PPARA: variants seen among roughly 807,000 people sequenced by gnomAD.
PPARA encodes peroxisome proliferator activated receptor alpha, also known as peroxisome proliferator-activated receptor alpha.
Under a neutral mutation model 42.2 loss-of-function variants are expected in PPARA, and 22 were observed. The observed-to-expected ratio is 0.52, with a 90% CI of 0.37 to 0.74. The LOEUF (loss-of-function observed/expected upper bound fraction) is 0.74, where lower values mean the gene tolerates loss of function less well. Ranked by LOEUF, PPARA falls within the 30% of genes least tolerant of loss-of-function variation. PPARA has a pLI of 0.00. For synonymous variants in PPARA, 242 were observed against 239.3 expected, an observed-to-expected ratio of 1.01 and a Z score of -0.10; for missense variants, 465 against 608.2, an observed-to-expected ratio of 0.76 and a Z score of 2.48.
At chr22:46,166,186 A>T (rs1026186274) in intron 2 of PPARA, among the ~76,000 whole-genome samples, 8 of 152,172 alleles carry the variant, frequency 5.3e-5, no homozygotes, top group African/African-American at 1.9e-4. Context: ...TCACTGGCCA[A>T]TTGCGTCACT....
At chr22:46,158,430 A>G (rs2147113825) in intron 2 of PPARA, among the ~76,000 whole-genome samples, 1 of 152,326 alleles carries the variant, frequency 6.6e-6, no homozygotes, top group Middle Eastern at 3.4e-3. Context: ...TTGTAACTGA[A>G]TACGTCTGAA....
intron 4 of PPARA, among the ~76,000 whole-genome samples, chr22:46,208,413 T>G (rs762867214): frequency 1.3e-5 from 2 of 151,916 alleles, no homozygotes; most frequent in Non-Finnish European, 2.9e-5. Context: ...CCAGGCGCGG[T>G]GGTACACGCC....
intron 5 of PPARA, 41 bp from the exon 6 acceptor site, chr22:46,218,222 G>T (rs1335378630): frequency 6.2e-7 from 1 of 1,613,130 alleles, no homozygotes; most frequent in South Asian, 1.1e-5. Flanking sequence ...TGGTTTCTCA[G>T]TGGCCCAGGT....
At chr22:46,158,543 C>T (rs1041361032) in intron 2 of PPARA, among the ~76,000 whole-genome samples, 2 of 152,208 alleles carry the variant, frequency 1.3e-5, no homozygotes, top group East Asian at 1.9e-4. Flanking sequence ...CTAAGAAGTT[C>T]GTGGTCAGCT....
At chr22:46,185,950 TATATATATATATATAC>T (rs1207335315) in intron 3 of PPARA, among the ~76,000 whole-genome samples, 2,889 of 57,304 alleles carry the variant, frequency 0.05, 452 homozygotes, top group Non-Finnish European at 0.074. Context: ...TATATATATA[TATATATATATATATAC>T]ACACACACTA....
At position 46,184,390 on chromosome 22, in the gene PPARA, A is replaced by G. The variant is rs982091034; in HGVS notation, c.-43+7554A>G. 2.0e-5 allele frequency among the ~76,000 whole-genome samples: 3 copies of G among 152,188 alleles called. No individual in the cohort carries two copies. Among genetic ancestry groups the G allele is most frequent in the African/African-American group, 7.2e-5 (3 of 41,440 alleles). ...GGAGACAGAGTCCAGAATCTCAGAG[A>G]GAGACACAGTTACCTTTTAGTTACA... On this transcript the variant is annotated intron_variant, in intron 3 of 8. Coordinates refer to ENST00000407236, the MANE Select transcript of PPARA (RefSeq NM_005036.6). This position sits in a 1 kb window ranked among gnomAD's most constrained non-coding sequence, Gnocchi z 4.4.
chr22:46,223,056 A>C (rs1935122924), intron 7 of PPARA, among the ~76,000 whole-genome samples: 1 of 152,124 alleles, frequency 6.6e-6, no homozygotes, highest in South Asian at 2.1e-4. Flanking sequence ...GCGACTTGGG[A>C]GGTTGAGGAG....
intron 7 of PPARA, among the ~76,000 whole-genome samples, chr22:46,228,318 T>A (rs1241750463): frequency 6.6e-6 from 1 of 152,136 alleles, no homozygotes; most frequent in Non-Finnish European, 1.5e-5. Context: ...GTGGATCACC[T>A]GAGGTCGGGA....
rs552533545 is a variant in PPARA, at chr22:46,205,519, CATATATATAT to C, written c.208+6955_208+6964del. 5.0e-3 allele frequency among the ~76,000 whole-genome samples: 171 copies of C among 34,424 alleles called. 2 individuals are homozygous for C. Among genetic ancestry groups the C allele is most frequent in the African/African-American group, 0.012 (99 of 8,390 alleles). 22.6% of individuals were successfully genotyped at this position (34,424 alleles called of 152,430 possible). ...ACAGGCGTGAGCCACCATGCCCAGCCATATATATATATATATATATATATATATATATATA... is the reference window on the plus strand; with the variant it reads ...ACAGGCGTGAGCCACCATGCCCAGCCATATATATATATATATATATATATA... On this transcript the variant is annotated intron_variant, in intron 4 of 8. Coordinates refer to ENST00000407236, the MANE Select transcript of PPARA (RefSeq NM_005036.6).
At position 46,174,190 on chromosome 22, in the gene PPARA, A is replaced by AGAGAG. The variant is rs1569196606; in HGVS notation, c.-126-2563_-126-2562insGAGAG. Among the ~76,000 whole-genome samples, 209 of 126,892 alleles carry AGAGAG rather than the reference A, an allele frequency of 1.6e-3. 1 individual carries two copies. In the Middle Eastern group the frequency reaches 0.026, roughly 16 times the overall value. 83.2% of individuals were successfully genotyped at this position (126,892 alleles called of 152,430 possible). On this transcript the variant is annotated intron_variant, in intron 2 of 8. Coordinates refer to ENST00000407236, the MANE Select transcript of PPARA (RefSeq NM_005036.6). ...AGACTCTGTCTTGAAAGAAGGAAGAAAGAGAGAGAGAGAGAGAGAGAGAGA... is the reference window on the plus strand; with the variant it reads ...AGACTCTGTCTTGAAAGAAGGAAGAAGAGAGAGAGAGAGAGAGAGAGAGAGAGAGA...
In PPARA at chr22:46,235,457, G is replaced by A; in HGVS notation, c.*77G>A. On this transcript the variant is annotated 3_prime_UTR_variant, in exon 9 of 9. Coordinates refer to ENST00000407236, the MANE Select transcript of PPARA (RefSeq NM_005036.6). The surrounding 1 kb of genome is among the most constrained non-coding windows in gnomAD (Gnocchi z 7.0). ...TACAAAGGAGACGGGGGAGCAGCAC[G>A]ATTTTGCACAAATATCCACCACTTT... 2 of 1,563,302 alleles carry A rather than the reference G, an allele frequency of 1.3e-6. No homozygotes were observed. Among genetic ancestry groups the A allele is most frequent in the Non-Finnish European group, 1.7e-6 (2 of 1,152,066 alleles).
At chr22:46,199,649 A>T (rs5767560) in intron 4 of PPARA, among the ~76,000 whole-genome samples, 15,030 of 152,078 alleles carry the variant, frequency 0.099, 957 homozygotes, top group Admixed American at 0.2. Context: ...TTAAAAAAAA[A>T]TTTTTTTAAG....
rs755467390 is a variant in PPARA at position 46,231,838 on chromosome 22, CGCTGGTGGCCAA to C, written c.771_782del (p.Lys257_Ala260del). On this transcript the variant is annotated inframe_deletion, in exon 8 of 9. Coordinates refer to ENST00000407236, the MANE Select transcript of PPARA (RefSeq NM_005036.6). This position sits in a 1 kb window ranked among gnomAD's most constrained non-coding sequence, Gnocchi z 7.7. ...GAGACACTGTGTATGGCTGAGAAGA[CGCTGGTGGCCAA>C]GCTGGTGGCCAATGGCATCCAGAAC... 24 of 1,613,876 alleles carry C rather than the reference CGCTGGTGGCCAA, an allele frequency of 1.5e-5. No individual in the cohort carries two copies. The highest frequency in any genetic ancestry group is 5.3e-5 in the African/African-American group (4 of 74,912).
rs1601840853 is a variant in PPARA at position 46,240,049 on chromosome 22, G to A, written c.*4669G>A. 2.5e-5 allele frequency: 10 copies of A among 397,758 alleles called. No homozygotes were observed. Among genetic ancestry groups the A allele is most frequent in the East Asian group, 7.1e-5 (2 of 28,042 alleles). The allele number at this position is 397,758 out of a possible 1,614,324, so 24.6% of individuals were successfully genotyped here. The stretch of plus-strand genomic sequence containing the variant: ...GCACCCAGCTAAGACTGGCTTGACC[G>A]ACAGCCTGGCCTTTGGTGGGGGGCT... On this transcript the variant is annotated 3_prime_UTR_variant, in exon 9 of 9. Transcript: ENST00000407236. This position sits in a 1 kb window ranked among gnomAD's most constrained non-coding sequence, Gnocchi z 6.0.
Position 46,193,743 on chromosome 22 carries a change from C to A in PPARA, c.-42-4599C>A, listed in dbSNP as rs755982742. ...ACAGAAGCCCTACCTTTTCCCAACACCCTATCCACCTGTCCCTCACCTCTC... is the reference window on the plus strand; with the variant it reads ...ACAGAAGCCCTACCTTTTCCCAACAACCTATCCACCTGTCCCTCACCTCTC... On this transcript the variant is annotated intron_variant, in intron 3 of 8. Transcript: ENST00000407236. This position sits in a 1 kb window ranked among gnomAD's most constrained non-coding sequence, Gnocchi z 5.3. Among the ~76,000 whole-genome samples, 2 of 152,210 alleles carry A rather than the reference C, an allele frequency of 1.3e-5. No homozygotes were observed. Among genetic ancestry groups the A allele is most frequent in the Non-Finnish European group, 2.9e-5 (2 of 68,032 alleles).
At position 46,240,569 on chromosome 22, in the gene PPARA, G is replaced by A. The variant is rs1310133307; in HGVS notation, c.*5189G>A. On this transcript the variant is annotated 3_prime_UTR_variant, in exon 9 of 9. Transcript: ENST00000407236. This position sits in a 1 kb window ranked among gnomAD's most constrained non-coding sequence, Gnocchi z 6.0. ...TCAGAAAAGTAGTATAGATTCAGGA[G>A]AGGCAAGAAAATTATGCTGTCCATA... is the stretch of plus-strand genomic sequence containing the variant. The A allele has an allele frequency of 6.7e-5, 16 of 240,446 alleles. No homozygotes were observed. The highest frequency in any genetic ancestry group is 3.3e-4 in the African/African-American group (15 of 45,316). The allele number at this position is 240,446 out of a possible 1,614,324, so 14.9% of individuals were successfully genotyped here.
In PPARA at chr22:46,233,808, A is replaced by G. The variant is rs911630730; in HGVS notation, c.1160-1325A>G. Among the ~76,000 whole-genome samples the G allele has an allele frequency of 8.6e-5, 13 of 150,674 alleles. No individual in the cohort carries two copies. Among genetic ancestry groups the G allele is most frequent in the African/African-American group, 2.7e-4 (11 of 40,946 alleles). On this transcript the variant is annotated intron_variant, in intron 8 of 8. Coordinates refer to ENST00000407236, the MANE Select transcript of PPARA (RefSeq NM_005036.6). The surrounding 1 kb of genome is among the most constrained non-coding windows in gnomAD (Gnocchi z 7.3). Reference sequence around the variant, plus strand: ...ATTAAAATTATGAGGGGGGATTTCTATTTTTCAAAAGATTCCTCCTTTTTT... The same window carrying G: ...ATTAAAATTATGAGGGGGGATTTCTGTTTTTCAAAAGATTCCTCCTTTTTT...
rs1194121403 is a variant in PPARA, at chr22:46,225,972, C to T, written c.712-5820C>T. 6.8e-6 allele frequency among the ~76,000 whole-genome samples: 1 copy of T among 146,158 alleles called. No homozygotes were observed. The highest frequency in any genetic ancestry group is 2.7e-5 in the African/African-American group (1 of 36,416). Reference sequence around the variant, plus strand: ...AGGCACACACAAATCCACATTCACCCATACAGTCACACACATGCATACACA... The same window carrying T: ...AGGCACACACAAATCCACATTCACCTATACAGTCACACACATGCATACACA... On this transcript the variant is annotated intron_variant, in intron 7 of 8. Coordinates refer to ENST00000407236, the MANE Select transcript of PPARA (RefSeq NM_005036.6). This position sits in a 1 kb window ranked among gnomAD's most constrained non-coding sequence, Gnocchi z 4.1.
rs1484857931 is a variant in PPARA, at chr22:46,222,058, C to T, written c.711+2044C>T. On this transcript the variant is annotated intron_variant, in intron 7 of 8. Coordinates refer to ENST00000407236, the MANE Select transcript of PPARA (RefSeq NM_005036.6). This position sits in a 1 kb window ranked among gnomAD's most constrained non-coding sequence, Gnocchi z 5.9. ...CACCACTGCACTCCAGCTTGGGCAA[C>T]AGAGTGAGACTCTGTCTCAAAAAAA... 5.3e-5 allele frequency among the ~76,000 whole-genome samples: 8 copies of T among 151,578 alleles called. No homozygotes were observed. The highest frequency in any genetic ancestry group is 5.3e-4 in the Admixed American group (8 of 15,230).
Sources: allele counts gnomAD v4.1 joint callset (sites outside exome capture counted in the v4.1 genomes callset), GRCh38; gene constraint gnomAD v4.1.1; non-coding constraint Gnocchi (gnomAD v3.1); transcripts MANE v1.5; gene names NCBI Gene and HGNC (gene_info 2026-07-23, HGNC 2026-07-21).